Variants in DPP10 observed in about 807,000 individuals in gnomAD.
The protein encoded by DPP10 is inactive dipeptidyl peptidase 10.
Under a neutral mutation model 120.9 loss-of-function variants are expected in DPP10, and 33 were observed. The observed-to-expected ratio is 0.27, with a 90% CI of 0.21 to 0.37. DPP10 has a LOEUF of 0.37. Ranked by LOEUF, DPP10 falls within the 10% of genes least tolerant of loss-of-function variation. The pLI, the probability that DPP10 is intolerant of heterozygous loss-of-function variation, is 1.00. For synonymous variants in DPP10, 337 were observed against 326.1 expected, an observed-to-expected ratio of 1.03 and a Z score of -0.36; for missense variants, 816 against 942.8, an observed-to-expected ratio of 0.87 and a Z score of 1.76.
chr2:115,174,530 T>C (rs1328911042), intron 1 of DPP10, among the ~76,000 whole-genome samples: 1 of 152,218 alleles, frequency 6.6e-6, no homozygotes, highest in Non-Finnish European at 1.5e-5. Context: ...ATATATTTTC[T>C]ATAATTAACA....
At chr2:114,807,092 T>C (rs1684798839) in intron 1 of DPP10, among the ~76,000 whole-genome samples, 1 of 152,204 alleles carries the variant, frequency 6.6e-6, no homozygotes, top group Admixed American at 6.5e-5. Context: ...AATGCACATA[T>C]GAGAAAGTGC....
chr2:114,446,226 T>G (rs1040018238), intron 1 of DPP10, among the ~76,000 whole-genome samples: 1 of 152,242 alleles, frequency 6.6e-6, no homozygotes, highest in African/African-American at 2.4e-5. Context: ...CAGCTAAATC[T>G]CTGATCTTGG....
chr2:115,130,266 T>G (rs2050274192), intron 1 of DPP10, among the ~76,000 whole-genome samples: 2 of 152,212 alleles, frequency 1.3e-5, no homozygotes, highest in Admixed American at 1.3e-4. Context: ...TTACCTAAAA[T>G]TGTTGAACAT....
At chr2:115,556,353 T>C (rs1042184369) in intron 5 of DPP10, among the ~76,000 whole-genome samples, 4 of 142,016 alleles carry the variant, frequency 2.8e-5, no homozygotes, top group Non-Finnish European at 6.0e-5. Flanking sequence ...TGTGAGATTT[T>C]TTTTTGGCAG....
At chr2:115,554,270 T>C (rs143051341) in intron 5 of DPP10, among the ~76,000 whole-genome samples, 1 of 151,988 alleles carries the variant, frequency 6.6e-6, no homozygotes, top group Non-Finnish European at 1.5e-5. Flanking sequence ...ACCTGTTTAC[T>C]GTAAGGACAG....
chr2:115,301,983 T>C (rs1173347851), intron 1 of DPP10, among the ~76,000 whole-genome samples: 1 of 152,030 alleles, frequency 6.6e-6, no homozygotes, highest in Non-Finnish European at 1.5e-5. Flanking sequence ...AGGTAATTTA[T>C]GAAGAAAAGA....
chr2:114,520,399 A>G (rs957198563), intron 1 of DPP10, among the ~76,000 whole-genome samples: 1 of 152,226 alleles, frequency 6.6e-6, no homozygotes, highest in African/African-American at 2.4e-5. Context: ...TTCATAAAGG[A>G]TATTGCTTAA....
At position 115,814,894 on chromosome 2, in the gene DPP10, G is replaced by T. The variant is rs777972684; in HGVS notation, c.1802G>T (p.Gly601Val). The change falls in exon 20 of 26, where the codon GGC becomes GTC. Residue 601 changes from glycine to valine, a missense_variant. By Grantham distance (109) the Gly-to-Val change is moderately radical (BLOSUM62 -3). Transcript: ENST00000410059. ...MDNVIVARFD[G>V]RGSGFQGLKI... ...AATGTCATTGTAGCAAGATTTGATG[G>T]CAGAGGAAGTGGATTCCAGGGTCTG... 3 of 1,612,164 alleles carry T rather than the reference G, an allele frequency of 1.9e-6. No homozygotes were observed. Among genetic ancestry groups the T allele is most frequent in the Non-Finnish European group, 1.7e-6 (2 of 1,178,636 alleles).
At chr2:114,704,291 G>C (rs1700557500) in intron 1 of DPP10, among the ~76,000 whole-genome samples, 2 of 152,156 alleles carry the variant, frequency 1.3e-5, no homozygotes, top group Admixed American at 1.3e-4. Flanking sequence ...CCTGAAATAA[G>C]ATAGATTGGG....
At chr2:115,569,012 A>G (rs1398556793) in intron 5 of DPP10, among the ~76,000 whole-genome samples, 2 of 152,216 alleles carry the variant, frequency 1.3e-5, no homozygotes, top group Non-Finnish European at 2.9e-5. Context: ...TGTCCATGCC[A>G]TAACAAAGTT....
intron 1 of DPP10, among the ~76,000 whole-genome samples, chr2:114,637,565 G>C (rs1394843445): frequency 6.6e-6 from 1 of 151,924 alleles, no homozygotes; most frequent in African/African-American, 2.4e-5. Context: ...TGCCAAGGCT[G>C]ATGTCAAGAA....
intron 1 of DPP10, among the ~76,000 whole-genome samples, chr2:114,860,879 G>A (rs1689758556): frequency 6.6e-6 from 1 of 152,178 alleles, no homozygotes; most frequent in Non-Finnish European, 1.5e-5. Context: ...GCCACGAGCT[G>A]CTCCTCTCCA....
intron 3 of DPP10, among the ~76,000 whole-genome samples, chr2:115,424,897 A>C (rs879923195): frequency 1.3e-5 from 2 of 152,208 alleles, no homozygotes; most frequent in African/African-American, 2.4e-5. Context: ...GTCTGTAGAA[A>C]GGGATTGTGT....
chr2:115,544,088 T>C (rs2079346587), intron 5 of DPP10, among the ~76,000 whole-genome samples: 1 of 151,790 alleles, frequency 6.6e-6, no homozygotes, highest in Admixed American at 6.6e-5. Context: ...CACATGCTTA[T>C]TTTCTTCCTG....
At chr2:115,639,890 A>G (rs2086640839) in intron 5 of DPP10, among the ~76,000 whole-genome samples, 1 of 152,096 alleles carries the variant, frequency 6.6e-6, no homozygotes, top group Non-Finnish European at 1.5e-5. Context: ...CTGCTTCAGC[A>G]CTGAGAACAG....
At chr2:114,546,907 G>A (rs1687451344) in intron 1 of DPP10, among the ~76,000 whole-genome samples, 2 of 152,356 alleles carry the variant, frequency 1.3e-5, no homozygotes, top group Middle Eastern at 3.4e-3. Flanking sequence ...GATGTGATCT[G>A]TCTGTTGGAT....
intron 4 of DPP10, among the ~76,000 whole-genome samples, chr2:115,523,350 G>A (rs1019364675): frequency 7.3e-6 from 1 of 136,436 alleles, no homozygotes; most frequent in Admixed American, 8.0e-5. Context: ...GATGAGGGAG[G>A]TGAGATTTCC....
intron 1 of DPP10, among the ~76,000 whole-genome samples, chr2:115,162,812 G>A (rs1011198592): frequency 6.6e-6 from 1 of 152,104 alleles, no homozygotes; most frequent in East Asian, 1.9e-4. Flanking sequence ...CCGTACCGTC[G>A]TGGATCCCCA....
intron 2 of DPP10, among the ~76,000 whole-genome samples, chr2:115,311,789 G>A (rs895336541): frequency 3.9e-5 from 6 of 151,952 alleles, no homozygotes; most frequent in Non-Finnish European, 8.8e-5. Flanking sequence ...GTTTTAAGAT[G>A]GGGTCTCGCT....
Sources: allele counts gnomAD v4.1 joint callset (sites outside exome capture counted in the v4.1 genomes callset), GRCh38; gene constraint gnomAD v4.1.1; transcripts MANE v1.5; gene names NCBI Gene and HGNC (gene_info 2026-07-23, HGNC 2026-07-21).